Variants in RSPH14 observed in about 807,000 individuals in gnomAD.
The protein encoded by RSPH14 is rhabdoid tumor deletion region gene 1.
A neutral mutation model predicts 26.7 loss-of-function variants in RSPH14; 20 were observed. That is an observed-to-expected ratio of 0.75 (90% confidence interval 0.53 to 1.09). The LOEUF is 1.09. Among genes scored for constraint, RSPH14 ranks in the 50% least tolerant of loss-of-function variants. The pLI is 0.00. For missense variants in RSPH14, 449 were observed against 457.2 expected (o/e 0.98, Z 0.16); for synonymous variants, 177 against 189.3 (o/e 0.93, Z 0.53).
chr22:23,104,602 T>G (rs555879336), intron 4 of RSPH14, among the ~76,000 whole-genome samples: 2 of 152,216 alleles, frequency 1.3e-5, no homozygotes, highest in Non-Finnish European at 2.9e-5. Context: ...GGGATTTGTA[T>G]AATCCAGTAA....
the RSPH14 span, among the ~76,000 whole-genome samples, chr22:23,176,977 CAG>C: frequency 6.6e-6 from 1 of 152,366 alleles, no homozygotes; most frequent in African/African-American, 2.4e-5. Context: ...TTGTGCAGCA[CAG>C]ATTACAGAAC....
intron 4 of RSPH14, chr22:23,095,532 G>A (rs2069099543): frequency 6.9e-6 from 5 of 722,354 alleles, no homozygotes; most frequent in Non-Finnish European, 1.1e-5. Context: ...TGGAGAAGAG[G>A]CGCTGGGGCA....
upstream of RSPH14, chr22:23,145,549 C>A: frequency 6.2e-7 from 1 of 1,600,154 alleles, no homozygotes; most frequent in East Asian, 2.2e-5. Flanking sequence ...ACAGCCATCG[C>A]TGGTGAGTCA....
At chr22:23,145,520 G>T (rs368587126), upstream of RSPH14, 126 of 1,604,172 alleles carry the variant, frequency 7.9e-5, no homozygotes, top group Admixed American at 3.3e-5. Context: ...GGACCAGGCC[G>T]CGCGGAGCCC....
chr22:23,145,540 C>T, upstream of RSPH14: 1 of 1,601,752 alleles, frequency 6.2e-7, no homozygotes, highest in Non-Finnish European at 8.5e-7. Flanking sequence ...CCAGCTTTCA[C>T]AGCCATCGCT....
chr22:23,132,644 G>A (rs2070379559), intron 4 of RSPH14: 1 of 141,756 alleles, frequency 7.1e-6, no homozygotes, highest in African/African-American at 2.5e-5. Context: ...AAAAATCTAT[G>A]ATTAATGAGG....
chr22:23,089,626 T>G (rs1418951602), intron 4 of RSPH14, among the ~76,000 whole-genome samples: 1 of 151,956 alleles, frequency 6.6e-6, no homozygotes, highest in Non-Finnish European at 1.5e-5. Flanking sequence ...GGAACAGACT[T>G]GAGAGGGCCA....
chr22:23,084,024 G>A (rs1248157539), intron 4 of RSPH14, among the ~76,000 whole-genome samples: 1 of 152,292 alleles, frequency 6.6e-6, no homozygotes, highest in East Asian at 1.9e-4. Flanking sequence ...CTTGCTTCTT[G>A]TGGAGTTAAC....
At chr22:23,113,656 C>A (rs544742121) in intron 4 of RSPH14, among the ~76,000 whole-genome samples, 28 of 152,360 alleles carry the variant, frequency 1.8e-4, no homozygotes, top group African/African-American at 6.5e-4. Flanking sequence ...GGGGCCAACA[C>A]CACAGGCCCC....
At chr22:23,145,425 C>T, upstream of RSPH14, 1 of 1,610,706 alleles carries the variant, frequency 6.2e-7, no homozygotes, top group Non-Finnish European at 8.5e-7. Context: ...CAACGCAGAC[C>T]CCGCCCACGA....
chr22:23,176,595 G>A, the RSPH14 span, among the ~76,000 whole-genome samples: 2 of 152,234 alleles, frequency 1.3e-5, no homozygotes, highest in Non-Finnish European at 2.9e-5. Context: ...CTGGTGTTGG[G>A]TCTGATCACC....
chr22:23,138,924 T>C lies in RSPH14; in HGVS notation c.218A>G (p.Lys73Arg), dbSNP rs2070533841. 3.9e-6 allele frequency: 6 copies of C among 1,547,296 alleles called. No homozygotes were observed. The East Asian group carries it at 1.2e-4, about 31-fold the overall frequency. Residue 73 changes from lysine to arginine, a missense_variant, in exon 3 of 7, where the codon AAA becomes AGA. By Grantham distance (26) the Lys-to-Arg change is conservative. Transcript: ENST00000216036. ...AMNIGCMENL[K>R]ALLKDSNSMV... ...ACTGTTGCTATCCTTCAGCAAAGCT[T>C]TCAGGTTCTCCATACAGCCTAGAAA...
intron 4 of RSPH14, among the ~76,000 whole-genome samples, chr22:23,090,740 C>T (rs539222228): frequency 3.9e-5 from 6 of 152,306 alleles, no homozygotes; most frequent in South Asian, 2.1e-4. Flanking sequence ...ACTTGCAGCC[C>T]GCATGTGCCA....
At chr22:23,160,393 C>A in the RSPH14 span, among the ~76,000 whole-genome samples, 1 of 152,176 alleles carries the variant, frequency 6.6e-6, no homozygotes, top group Non-Finnish European at 1.5e-5. Context: ...GGAAACCAGC[C>A]CGCTCTCTGA....
At position 23,078,914 on chromosome 22, in the gene RSPH14, G is replaced by A. The variant is rs543514114; in HGVS notation, c.422-14781C>T. On this transcript the variant is annotated intron_variant, in intron 4 of 6. Coordinates refer to ENST00000216036, the MANE Select transcript of RSPH14 (RefSeq NM_014433.3). ...ATCGGCCAAGTCCAGGTGGGCGGGG[G>A]CTGTGCGTCTACCCGTGTCCACCCA... 6.6e-5 allele frequency among the ~76,000 whole-genome samples: 10 copies of A among 152,330 alleles called. No individual in the cohort carries two copies. In the East Asian group the frequency reaches 1.2e-3, roughly 18 times the overall value.
chr22:23,090,231 C>A (rs912223384), intron 4 of RSPH14, among the ~76,000 whole-genome samples: 1 of 152,118 alleles, frequency 6.6e-6, no homozygotes, highest in African/African-American at 2.4e-5. Context: ...TATGTCCCCT[C>A]TCCAAGAGCA....
chr22:23,104,106 G>T (rs1252904057), intron 4 of RSPH14, among the ~76,000 whole-genome samples: 7 of 152,048 alleles, frequency 4.6e-5, no homozygotes, highest in Non-Finnish European at 8.8e-5. Context: ...AGTCAAGGCT[G>T]TGGGGGAGCA....
intron 4 of RSPH14, among the ~76,000 whole-genome samples, chr22:23,127,095 A>G (rs2070201964): frequency 6.6e-6 from 1 of 152,176 alleles, no homozygotes; most frequent in African/African-American, 2.4e-5. Context: ...CTCTGTCCAC[A>G]TTCCCCAGAT....
At chr22:23,138,060 A>G (rs2070513722) in intron 3 of RSPH14, among the ~76,000 whole-genome samples, 1 of 152,124 alleles carries the variant, frequency 6.6e-6, no homozygotes, top group Non-Finnish European at 1.5e-5. Flanking sequence ...GGTGCCAGAA[A>G]CCAAGAACTC....
Sources: allele counts gnomAD v4.1 joint callset (sites outside exome capture counted in the v4.1 genomes callset), GRCh38; gene constraint gnomAD v4.1.1; transcripts MANE v1.5; gene names NCBI Gene and HGNC (gene_info 2026-07-23, HGNC 2026-07-21).